SCLT1: variants seen among roughly 807,000 people sequenced by gnomAD.
SCLT1 encodes the protein sodium channel-associated protein 1.
In SCLT1, 78 loss-of-function variants were observed where a neutral mutation model predicts 112.8. The observed-to-expected ratio is 0.69, with a 90% CI of 0.58 to 0.83. The LOEUF is 0.83. Ranked by LOEUF, SCLT1 falls within the 40% of genes least tolerant of loss-of-function variation. The pLI is 0.00. For missense variants in SCLT1, 747 were observed against 770.4 expected (o/e 0.97, Z 0.36); for synonymous variants, 257 against 254.7 (o/e 1.01, Z -0.09).
intron 2 of SCLT1, among the ~76,000 whole-genome samples, chr4:129,065,583 T>C (rs962729072): frequency 1.3e-5 from 2 of 152,032 alleles, no homozygotes; most frequent in Non-Finnish European, 2.9e-5. Flanking sequence ...TATAGCTGTG[T>C]TCCAATAAAT....
intron 5 of SCLT1, among the ~76,000 whole-genome samples, chr4:129,006,717 G>C (rs1398392245): frequency 6.6e-6 from 1 of 151,972 alleles, no homozygotes; most frequent in Non-Finnish European, 1.5e-5. Flanking sequence ...TGGCATACTT[G>C]GGGAATAGAT....
intron 4 of SCLT1, chr4:129,039,805 A>G (rs563996400): frequency 5.7e-6 from 1 of 176,320 alleles, no homozygotes; most frequent in East Asian, 1.4e-4. Flanking sequence ...GAAAGCATTT[A>G]AAGTTGGCGA....
intron 2 of SCLT1, among the ~76,000 whole-genome samples, chr4:129,055,829 A>C (rs574175284): frequency 1.5e-4 from 21 of 141,498 alleles, no homozygotes; most frequent in African/African-American, 4.2e-4. Flanking sequence ...AAAAAAAAAA[A>C]AACAAAAACA....
chr4:129,043,391 A>G lies in SCLT1; in HGVS notation c.234+4T>C. The G allele has an allele frequency of 7.2e-7, 1 of 1,391,926 alleles. No individual in the cohort carries two copies. The highest frequency in any genetic ancestry group is 1.0e-6 in the Non-Finnish European group (1 of 989,012). 86.2% of individuals were successfully genotyped at this position (1,391,926 alleles called of 1,614,324 possible). The stretch of plus-strand genomic sequence containing the variant: ...ACAAAAGCCTCATAACTATGATTTC[A>G]TACCTGGTAATATTTCAGCTGCCCA... On this transcript the variant is annotated splice_donor_region_variant and intron_variant, in intron 4 of 20. Coordinates refer to ENST00000281142, the MANE Select transcript of SCLT1 (RefSeq NM_144643.4).
At chr4:129,037,608 C>T (rs1387687323) in intron 5 of SCLT1, 1 of 152,042 alleles carries the variant, frequency 6.6e-6, no homozygotes, top group African/African-American at 2.4e-5. Context: ...AATTCCTAAC[C>T]CCAGGATTAT....
At chr4:129,016,346 A>ACT (rs1744993538) in intron 5 of SCLT1, among the ~76,000 whole-genome samples, 3 of 56,366 alleles carry the variant, frequency 5.3e-5, no homozygotes. Context: ...TACAGGCCCC[A>ACT]GTGTGTTGTT....
At chr4:128,920,612 T>G (rs1486944111) in intron 18 of SCLT1, among the ~76,000 whole-genome samples, 1 of 152,054 alleles carries the variant, frequency 6.6e-6, no homozygotes, top group African/African-American at 2.4e-5. Context: ...AAATTCAATA[T>G]CCCCTCATGT....
intron 6 of SCLT1, among the ~76,000 whole-genome samples, chr4:129,000,306 A>G (rs1458069032): frequency 6.6e-6 from 1 of 152,024 alleles, no homozygotes. Context: ...TGATGCATTC[A>G]TGTTTATAAA....
At chr4:129,020,566 G>T (rs554523897) in intron 5 of SCLT1, among the ~76,000 whole-genome samples, 1 of 152,282 alleles carries the variant, frequency 6.6e-6, no homozygotes, top group South Asian at 2.1e-4. Context: ...CAGTCTTTTG[G>T]CTGGAAAAGA....
intron 18 of SCLT1, among the ~76,000 whole-genome samples, chr4:128,896,357 G>A (rs150416691): frequency 1.5e-4 from 23 of 152,230 alleles, no homozygotes; most frequent in African/African-American, 5.3e-4. Context: ...AGCAACATTT[G>A]CTGTTCACCA....
intron 2 of SCLT1, among the ~76,000 whole-genome samples, chr4:129,052,671 A>C (rs1469636160): frequency 6.6e-6 from 1 of 152,026 alleles, no homozygotes; most frequent in Non-Finnish European, 1.5e-5. Context: ...GATCTTTTAG[A>C]AAAATTAGCT....
intron 6 of SCLT1, among the ~76,000 whole-genome samples, chr4:129,001,204 T>C (rs751989819): frequency 3.9e-5 from 6 of 151,902 alleles, no homozygotes; most frequent in Non-Finnish European, 7.4e-5. Flanking sequence ...CCTAGACTAG[T>C]AGTTACACAA....
At chr4:128,966,843 G>T (rs1560904234) in intron 10 of SCLT1, among the ~76,000 whole-genome samples, 1 of 146,210 alleles carries the variant, frequency 6.8e-6, no homozygotes, top group African/African-American at 2.5e-5. Flanking sequence ...GTTTCCACAG[G>T]TTTTTTTTTT....
chr4:128,888,365 C>A (rs552216553), intron 20 of SCLT1, among the ~76,000 whole-genome samples: 1 of 151,814 alleles, frequency 6.6e-6, no homozygotes, highest in Non-Finnish European at 1.5e-5. Context: ...CAGAGATATG[C>A]GCCACTATAT....
intron 9 of SCLT1, among the ~76,000 whole-genome samples, chr4:128,991,092 G>C (rs1742528147): frequency 6.6e-6 from 1 of 151,486 alleles, no homozygotes; most frequent in Admixed American, 6.6e-5. Context: ...AAAATTTAAA[G>C]GGAACCAAAC....
chr4:128,961,450 A>G (rs1382261696), intron 11 of SCLT1, among the ~76,000 whole-genome samples: 1 of 152,112 alleles, frequency 6.6e-6, no homozygotes, highest in East Asian at 1.9e-4. Flanking sequence ...ACTCATTTTA[A>G]TTTGATTATT....
At chr4:128,875,645 G>A (rs895911227) in intron 4 of SCLT1, among the ~76,000 whole-genome samples, 3 of 152,150 alleles carry the variant, frequency 2.0e-5, no homozygotes, top group Admixed American at 6.6e-5. Context: ...TATTGAAGTA[G>A]TTGTGATTAT....
At chr4:129,002,211 GTT>G (rs1012080183) in intron 6 of SCLT1, among the ~76,000 whole-genome samples, 9 of 151,912 alleles carry the variant, frequency 5.9e-5, no homozygotes, top group Admixed American at 5.9e-4. Context: ...AGGCACAAGA[GTT>G]TTTTTCTATG....
At chr4:128,919,408 GAC>G (rs973994109) in intron 18 of SCLT1, among the ~76,000 whole-genome samples, 1 of 152,110 alleles carries the variant, frequency 6.6e-6, no homozygotes, top group Non-Finnish European at 1.5e-5. Context: ...GAATCTTGGG[GAC>G]ACAGCTAAAG....
Sources: gnomAD v4.1 joint callset for allele counts (sites outside exome capture counted in the v4.1 genomes callset) on GRCh38, gnomAD v4.1.1 for gene constraint, MANE v1.5 for transcripts, NCBI Gene and HGNC (gene_info 2026-07-23, HGNC 2026-07-21) for gene names.